ELAPOR2: variants seen among roughly 807,000 people sequenced by gnomAD.
ELAPOR2 encodes the protein endosome-lysosome associated apoptosis and autophagy regulator family member 2, also known as endosome/lysosome-associated apoptosis and autophagy regulator family member 2.
ELAPOR2 carries 89 observed loss-of-function variants against 120.7 expected under a neutral mutation model. The observed-to-expected ratio is 0.74, with a 90% CI of 0.62 to 0.88. The LOEUF is 0.88. Among genes scored for constraint, ELAPOR2 ranks in the 40% least tolerant of loss-of-function variants. ELAPOR2 has a pLI of 0.00. For synonymous variants in ELAPOR2, 444 were observed against 444.9 expected (o/e 1.00, Z 0.03); for missense variants, 1,134 against 1,251.6 (o/e 0.91, Z 1.42).
intron 1 of ELAPOR2, among the ~76,000 whole-genome samples, chr7:87,032,691 C>T (rs566659753): frequency 6.6e-6 from 1 of 152,268 alleles, no homozygotes; most frequent in African/African-American, 2.4e-5. Context: ...CCACAGACAG[C>T]TCTGTTTCTT....
At chr7:86,982,225 G>C (rs185110502) in intron 1 of ELAPOR2, among the ~76,000 whole-genome samples, 2 of 151,800 alleles carry the variant, frequency 1.3e-5, no homozygotes, top group East Asian at 3.9e-4. Flanking sequence ...TCCACTTCTG[G>C]GGGCAGGGCA....
At chr7:86,939,933 A>C (rs546476795) in intron 6 of ELAPOR2, 77 bp downstream of exon 6, 1 of 924,456 alleles carries the variant, frequency 1.1e-6, no homozygotes, top group South Asian at 2.0e-5. Context: ...GAGCCAGCCA[A>C]ACCAAAACTT....
At chr7:87,014,006 T>C (rs1203904294) in intron 1 of ELAPOR2, among the ~76,000 whole-genome samples, 1 of 151,440 alleles carries the variant, frequency 6.6e-6, no homozygotes, top group Non-Finnish European at 1.5e-5. Flanking sequence ...TTTCCCAGTA[T>C]ATTTCGTGCC....
intron 18 of ELAPOR2, among the ~76,000 whole-genome samples, chr7:86,903,032 C>T (rs1017351389): frequency 4.6e-5 from 7 of 152,138 alleles, no homozygotes; most frequent in East Asian, 1.9e-4. Context: ...TTTCTAAAGA[C>T]TCTATCCTGA....
At chr7:87,010,666 G>A (rs1793626880) in intron 1 of ELAPOR2, among the ~76,000 whole-genome samples, 1 of 152,020 alleles carries the variant, frequency 6.6e-6, no homozygotes, top group Admixed American at 6.6e-5. Context: ...TCACAGACAG[G>A]TACTATTATA....
chr7:86,897,514 C>T lies in ELAPOR2; in HGVS notation c.2677G>A (p.Gly893Arg), dbSNP rs267601608. ...FHEIEGACKRGFQETLYVWNE... is the reference protein window; with the variant it reads ...FHEIEGACKRRFQETLYVWNE... ...GAGAGTTTATCCCTTACCTGAAATCCTCTCTTGCAGGCTCCCTCAATCTCA... is the reference window on the plus strand; with the variant it reads ...GAGAGTTTATCCCTTACCTGAAATCTTCTCTTGCAGGCTCCCTCAATCTCA... The change falls in exon 19 of 22, where the codon GGA becomes AGA. Residue 893 changes from glycine (G) to arginine (R), a missense_variant. Coordinates refer to ENST00000450689, the MANE Select transcript of ELAPOR2 (RefSeq NM_001142749.3). 6.2e-7 allele frequency: 1 copy of T among 1,612,300 alleles called. No homozygotes were observed. The highest frequency in any genetic ancestry group is 8.5e-7 in the Non-Finnish European group (1 of 1,179,026).
chr7:86,966,562 T>G (rs549763097), intron 1 of ELAPOR2, among the ~76,000 whole-genome samples: 1 of 152,302 alleles, frequency 6.6e-6, no homozygotes, highest in South Asian at 2.1e-4. Context: ...CTGCCCATTA[T>G]CCAGTTCTAA....
chr7:86,886,857 T>C lies in ELAPOR2; in HGVS notation c.3030+4867A>G, dbSNP rs532730152. Among the ~76,000 whole-genome samples the C allele has an allele frequency of 2.0e-5, 3 of 152,246 alleles. No homozygotes were observed. The East Asian group carries it at 5.8e-4, about 29-fold the overall frequency. On this transcript the variant is annotated intron_variant, in intron 21 of 21. Coordinates refer to ENST00000450689, the MANE Select transcript of ELAPOR2 (RefSeq NM_001142749.3). ...TCGAGGTTCTACTACATGTTGGGCC[T>C]GGTTCACTGATGATTTGGTTGAGCT...
At chr7:86,942,697 A>T (rs1208585600) in intron 4 of ELAPOR2, among the ~76,000 whole-genome samples, 4 of 152,054 alleles carry the variant, frequency 2.6e-5, no homozygotes, top group African/African-American at 9.7e-5. Context: ...TATCTTTAAC[A>T]CCAAACACCT....
chr7:86,923,819 A>C (rs1416022890), intron 10 of ELAPOR2, among the ~76,000 whole-genome samples: 1 of 152,110 alleles, frequency 6.6e-6, no homozygotes, highest in Non-Finnish European at 1.5e-5. Flanking sequence ...AGCCCAATGA[A>C]CATCTTCATG....
chr7:86,958,644 T>G (rs1046631036), intron 2 of ELAPOR2, among the ~76,000 whole-genome samples: 1 of 152,148 alleles, frequency 6.6e-6, no homozygotes, highest in Non-Finnish European at 1.5e-5. Context: ...CAGATGCTGC[T>G]CCACTTGGCA....
At chr7:87,024,917 T>G (rs757269853) in intron 1 of ELAPOR2, among the ~76,000 whole-genome samples, 1 of 152,020 alleles carries the variant, frequency 6.6e-6, no homozygotes, top group Non-Finnish European at 1.5e-5. Flanking sequence ...ATAAAATTTA[T>G]TTTTTAAAAT....
chr7:86,974,920 C>G (rs1288266912), intron 1 of ELAPOR2, among the ~76,000 whole-genome samples: 1 of 152,152 alleles, frequency 6.6e-6, no homozygotes, highest in African/African-American at 2.4e-5. Flanking sequence ...GGGTGACATT[C>G]ACCTAGCAAG....
At chr7:87,020,057 A>C (rs1443232094) in intron 1 of ELAPOR2, among the ~76,000 whole-genome samples, 1 of 152,188 alleles carries the variant, frequency 6.6e-6, no homozygotes, top group East Asian at 1.9e-4. Context: ...AGTGTTCAGA[A>C]ATGTTAAACA....
At chr7:86,998,420 G>T (rs956246753) in intron 1 of ELAPOR2, among the ~76,000 whole-genome samples, 1 of 152,182 alleles carries the variant, frequency 6.6e-6, no homozygotes, top group Non-Finnish European at 1.5e-5. Context: ...GATGTCAAGC[G>T]ATTTAGCTTA....
intron 8 of ELAPOR2, among the ~76,000 whole-genome samples, chr7:86,931,163 T>C (rs964112912): frequency 2.6e-5 from 4 of 151,988 alleles, no homozygotes; most frequent in Non-Finnish European, 5.9e-5. Context: ...ATCTGAAAAC[T>C]GGGTACAGGA....
Position 86,878,963 on chromosome 7 carries a change from C to G in ELAPOR2, c.*1508G>C, listed in dbSNP as rs1304244507. 6.6e-6 allele frequency: 1 copy of G among 152,102 alleles called. No individual in the cohort carries two copies. The highest frequency in any genetic ancestry group is 1.5e-5 in the Non-Finnish European group (1 of 67,990). 9.4% of individuals were successfully genotyped at this position (152,102 alleles called of 1,614,324 possible). A position where few individuals can be genotyped will look rare whatever the true frequency, so the allele number is the denominator to read the frequency against. Reference sequence around the variant, plus strand: ...CAAATAAACACAATTATTCATTTTTCTCCCATTTTCCACAAAAATAAAGAC... The same window carrying G: ...CAAATAAACACAATTATTCATTTTTGTCCCATTTTCCACAAAAATAAAGAC... On this transcript the variant is annotated 3_prime_UTR_variant, in exon 22 of 22. Coordinates refer to ENST00000450689, the MANE Select transcript of ELAPOR2 (RefSeq NM_001142749.3).
At chr7:86,984,000 G>A (rs12381399) in intron 1 of ELAPOR2, among the ~76,000 whole-genome samples, 57,476 of 151,846 alleles carry the variant, frequency 0.38, 11,719 homozygotes, top group African/African-American at 0.53. Flanking sequence ...AGATCTAAGA[G>A]GCAAATGGAA....
chr7:87,025,906 T>C (rs1794227316), intron 1 of ELAPOR2, among the ~76,000 whole-genome samples: 1 of 152,028 alleles, frequency 6.6e-6, no homozygotes, highest in Non-Finnish European at 1.5e-5. Flanking sequence ...AGTGTAGAAA[T>C]AAAGGTGTAT....
Sources: allele counts gnomAD v4.1 joint callset (sites outside exome capture counted in the v4.1 genomes callset), GRCh38; gene constraint gnomAD v4.1.1; transcripts MANE v1.5; gene names NCBI Gene and HGNC (gene_info 2026-07-23, HGNC 2026-07-21).